GRM5: variants seen among roughly 807,000 people sequenced by gnomAD.
The protein encoded by GRM5 is metabotropic glutamate receptor 5.
In GRM5, 19 loss-of-function variants were observed where a neutral mutation model predicts 83.1. The ratio of observed to expected loss-of-function variants is 0.23; its 90% CI spans 0.16 to 0.34. The LOEUF (loss-of-function observed/expected upper bound fraction) is 0.34, where lower values mean the gene tolerates loss of function less well. Among genes scored for constraint, GRM5 ranks in the 10% least tolerant of loss-of-function variants. GRM5 has a pLI of 1.00. For synonymous variants in GRM5, 675 were observed against 633.6 expected, an observed-to-expected ratio of 1.07 and a Z score of -0.98; for missense variants, 1,160 against 1,588.3, an observed-to-expected ratio of 0.73 and a Z score of 4.58.
intron 2 of GRM5, among the ~76,000 whole-genome samples, chr11:88,951,504 G>A (rs1414671611): frequency 6.6e-6 from 1 of 152,168 alleles, no homozygotes; most frequent in Non-Finnish European, 1.5e-5. Context: ...TGTGTCCTGT[G>A]TTTGCTTTTC....
chr11:88,509,534 T>G, intron 9 of GRM5, 30 bp from the exon 10 acceptor site: 3 of 1,567,652 alleles, frequency 1.9e-6, no homozygotes, highest in Non-Finnish European at 2.6e-6. Flanking sequence ...GAAAGGTGAC[T>G]CAGCGAGGTG....
At chr11:88,898,047 A>G (rs1405223294) in intron 2 of GRM5, among the ~76,000 whole-genome samples, 5 of 151,878 alleles carry the variant, frequency 3.3e-5, no homozygotes, top group Admixed American at 6.6e-5. Context: ...TTGCAGGACC[A>G]TGCTCCCTCT....
intron 3 of GRM5, among the ~76,000 whole-genome samples, chr11:88,659,192 A>G (rs1471265749): frequency 1.3e-5 from 2 of 152,180 alleles, no homozygotes; most frequent in African/African-American, 4.8e-5. Context: ...GTGGGAGGAG[A>G]ATAACAACAT....
At chr11:88,890,528 T>A (rs1209986769) in intron 2 of GRM5, among the ~76,000 whole-genome samples, 3 of 152,170 alleles carry the variant, frequency 2.0e-5, no homozygotes, top group Non-Finnish European at 4.4e-5. Context: ...AGTGCTTAAA[T>A]CAAATATGTT....
At chr11:88,679,941 T>TA (rs11423844) in intron 3 of GRM5, among the ~76,000 whole-genome samples, 151,303 of 152,298 alleles carry the variant, frequency 0.99, 75,167 homozygotes, top group East Asian at 1. Flanking sequence ...TAAAAACAAA[T>TA]AGACAAAAAC....
At chr11:89,056,296 A>G (rs1208128087) in intron 1 of GRM5, among the ~76,000 whole-genome samples, 1 of 152,126 alleles carries the variant, frequency 6.6e-6, no homozygotes, top group Non-Finnish European at 1.5e-5. Flanking sequence ...GAACTATCCA[A>G]TATTCTTTCT....
chr11:89,036,962 C>T (rs1303860116), intron 2 of GRM5, among the ~76,000 whole-genome samples: 1 of 152,014 alleles, frequency 6.6e-6, no homozygotes, highest in Non-Finnish European at 1.5e-5. Flanking sequence ...AAATTTTAGA[C>T]TTGAGTATAT....
At chr11:89,064,311 T>G (rs1942055270) in intron 1 of GRM5, among the ~76,000 whole-genome samples, 1 of 152,104 alleles carries the variant, frequency 6.6e-6, no homozygotes, top group Admixed American at 6.5e-5. Context: ...TAAAAATAAA[T>G]AAATAATAAA....
chr11:88,805,353 G>A (rs1422768262), intron 3 of GRM5, among the ~76,000 whole-genome samples: 4 of 151,892 alleles, frequency 2.6e-5, no homozygotes, highest in East Asian at 1.9e-4. Flanking sequence ...CACCACGCCC[G>A]GCTAATTTTT....
At chr11:88,998,608 G>T (rs1210955376) in intron 2 of GRM5, among the ~76,000 whole-genome samples, 2 of 152,064 alleles carry the variant, frequency 1.3e-5, no homozygotes, top group Non-Finnish European at 2.9e-5. Flanking sequence ...GTAAATAAGA[G>T]GTAAAACTAA....
chr11:88,810,151 A>G (rs1378377035), intron 3 of GRM5, among the ~76,000 whole-genome samples: 1 of 152,072 alleles, frequency 6.6e-6, no homozygotes, highest in African/African-American at 2.4e-5. Context: ...AAGACTGAAG[A>G]GTAAAATGGT....
chr11:88,659,997 C>T (rs1296974364), intron 3 of GRM5, among the ~76,000 whole-genome samples: 1 of 152,182 alleles, frequency 6.6e-6, no homozygotes, highest in Non-Finnish European at 1.5e-5. Context: ...GTAACAGTCT[C>T]AATGTTTTAT....
At chr11:88,834,665 C>A (rs752238091) in intron 3 of GRM5, among the ~76,000 whole-genome samples, 2 of 152,138 alleles carry the variant, frequency 1.3e-5, no homozygotes, top group Non-Finnish European at 2.9e-5. Flanking sequence ...TTGACTTTTC[C>A]TAATCCAAGT....
chr11:88,565,342 A>G (rs1215665754), intron 8 of GRM5, among the ~76,000 whole-genome samples: 1 of 152,194 alleles, frequency 6.6e-6, no homozygotes, highest in African/African-American at 2.4e-5. Context: ...GTGCAGAGAG[A>G]CAAAGTAGCA....
intron 3 of GRM5, among the ~76,000 whole-genome samples, chr11:88,677,213 A>G (rs777954693): frequency 1.3e-5 from 2 of 152,148 alleles, no homozygotes; most frequent in East Asian, 1.9e-4. Flanking sequence ...TTACAGCATT[A>G]TCTAGAAGCC....
At position 88,528,204 on chromosome 11, in the gene GRM5, A is replaced by G. The variant is rs576554686; in HGVS notation, c.2631-2800T>C. On this transcript the variant is annotated intron_variant, in intron 8 of 9. Coordinates refer to ENST00000305447, the MANE Select transcript of GRM5 (RefSeq NM_001143831.3). ...GAAAATTCAAAACAATAATAACAAA[A>G]CTCATTTTAAAAATGTGAGCAATAT... is the stretch of plus-strand genomic sequence containing the variant. Among the ~76,000 whole-genome samples the G allele has an allele frequency of 8.9e-4, 135 of 152,126 alleles. 1 individual carries two copies. The highest frequency in any genetic ancestry group is 3.0e-3 in the African/African-American group (126 of 41,530).
intron 4 of GRM5, among the ~76,000 whole-genome samples, chr11:88,619,400 T>C (rs1170369577): frequency 6.6e-6 from 1 of 152,220 alleles, no homozygotes. Context: ...CTCTTGATAA[T>C]TCAGAAGATG....
At chr11:88,899,136 T>A (rs1167101129) in intron 2 of GRM5, among the ~76,000 whole-genome samples, 2 of 151,962 alleles carry the variant, frequency 1.3e-5, no homozygotes, top group African/African-American at 4.8e-5. Context: ...ATTTTTAAAA[T>A]CCTAATGACA....
At chr11:88,607,673 A>G (rs1938194831) in intron 4 of GRM5, among the ~76,000 whole-genome samples, 1 of 152,078 alleles carries the variant, frequency 6.6e-6, no homozygotes, top group African/African-American at 2.4e-5. Flanking sequence ...CTTTGACTCA[A>G]TCTCTTAATA....
Sources: gnomAD v4.1 joint callset for allele counts (sites outside exome capture counted in the v4.1 genomes callset) on GRCh38, gnomAD v4.1.1 for gene constraint, MANE v1.5 for transcripts, NCBI Gene and HGNC (gene_info 2026-07-23, HGNC 2026-07-21) for gene names.